ABCB9: variants seen among roughly 807,000 people sequenced by gnomAD.
The protein encoded by ABCB9 is ABC-type oligopeptide transporter ABCB9.
A neutral mutation model predicts 62.0 loss-of-function variants in ABCB9; 36 were observed. That is an observed-to-expected ratio of 0.58 (90% confidence interval 0.45 to 0.77). ABCB9 has a LOEUF of 0.77. ABCB9 is among the 30% of genes least tolerant of loss of function. ABCB9 has a pLI of 0.00. For synonymous variants in ABCB9, 435 were observed against 461.4 expected, an observed-to-expected ratio of 0.94 and a Z score of 0.73; for missense variants, 943 against 1,054.7, an observed-to-expected ratio of 0.89 and a Z score of 1.47.
rs2037053672 is a variant in ABCB9 at position 122,964,186 on chromosome 12, G to C, written c.-88+2101C>G. 6.6e-6 allele frequency among the ~76,000 whole-genome samples: 1 copy of C among 152,172 alleles called. No individual in the cohort carries two copies. Among genetic ancestry groups the C allele is most frequent in the African/African-American group, 2.4e-5 (1 of 41,444 alleles). Reference sequence around the variant, plus strand: ...AGTGGAACAGGAGGCAGATCCGCAAGAGACTCAAAACCTGGACAGCAGCCC... The same window carrying C: ...AGTGGAACAGGAGGCAGATCCGCAACAGACTCAAAACCTGGACAGCAGCCC... On this transcript the variant is annotated intron_variant, in intron 1 of 11. Coordinates refer to ENST00000280560, the MANE Select transcript of ABCB9 (RefSeq NM_019625.4). The surrounding 1 kb of genome is among the most constrained non-coding windows in gnomAD (Gnocchi z 4.7).
intron 2 of ABCB9, among the ~76,000 whole-genome samples, chr12:122,957,699 G>A (rs2036671427): frequency 8.0e-6 from 1 of 125,200 alleles, no homozygotes; most frequent in Non-Finnish European, 1.7e-5. Flanking sequence ...ACTGCTGAGA[G>A]TTTTTTTTTT....
At position 122,960,255 on chromosome 12, in the gene ABCB9, C is replaced by T. The variant is rs751671594; in HGVS notation, c.-20G>A. On this transcript the variant is annotated 5_prime_UTR_variant, in exon 2 of 12. Transcript: ENST00000280560. Reference sequence around the variant, plus strand: ...CCGCATCCTGCTGGTTGGAGGTGGGCGGGTGCTGAAGGCCAGGTTGTAGCT... The same window carrying T: ...CCGCATCCTGCTGGTTGGAGGTGGGTGGGTGCTGAAGGCCAGGTTGTAGCT... The T allele has an allele frequency of 6.9e-6, 11 of 1,602,684 alleles. No individual in the cohort carries two copies. The East Asian group carries it at 1.6e-4, about 23-fold the overall frequency.
chr12:122,938,193 CCA>C (rs1363820683), intron 9 of ABCB9, among the ~76,000 whole-genome samples: 4 of 152,100 alleles, frequency 2.6e-5, no homozygotes, highest in African/African-American at 9.7e-5. Context: ...TGTCCACATC[CCA>C]CACTGGTATT....
intron 9 of ABCB9, among the ~76,000 whole-genome samples, chr12:122,937,926 A>AT (rs1453056496): frequency 6.6e-6 from 1 of 152,222 alleles, no homozygotes; most frequent in African/African-American, 2.4e-5. Flanking sequence ...TCCTGAAAGG[A>AT]TTACTAAAAA....
chr12:122,940,683 T>G lies in ABCB9; in HGVS notation c.1569+124A>C. ...TTCCCCAACTGGAGCCCAAAACTCC[T>G]GGAGGGCAATGATCTTGCCTGACAT... On this transcript the variant is annotated intron_variant, in intron 8 of 11. Transcript: ENST00000280560. The surrounding 1 kb of genome is among the most constrained non-coding windows in gnomAD (Gnocchi z 4.8). The G allele has an allele frequency of 3.2e-6, 4 of 1,242,642 alleles. No homozygotes were observed. In the South Asian group the frequency reaches 6.5e-5, roughly 20 times the overall value. The allele number at this position is 1,242,642 out of a possible 1,614,324, so 77.0% of individuals were successfully genotyped here.
chr12:122,926,181 T>G (rs796880242), downstream of ABCB9, among the ~76,000 whole-genome samples: 17 of 152,302 alleles, frequency 1.1e-4, no homozygotes, highest in African/African-American at 4.1e-4. Flanking sequence ...TTACACAACA[T>G]CATAAGTGTA....
chr12:122,954,637 C>T (rs553629926), intron 2 of ABCB9, among the ~76,000 whole-genome samples: 41 of 152,230 alleles, frequency 2.7e-4, no homozygotes, highest in African/African-American at 9.6e-4. Context: ...GGATTACAGG[C>T]GTGTGCCACC....
Position 122,940,079 on chromosome 12 carries a change from C to T in ABCB9, c.1743+32G>A, listed in dbSNP as rs767248694. Reference sequence around the variant, plus strand: ...GAAAGACGGTTAGATGCAGAAAGGGCGGAGAAGTGTGGCCCAGGCCCGTGC... The same window carrying T: ...GAAAGACGGTTAGATGCAGAAAGGGTGGAGAAGTGTGGCCCAGGCCCGTGC... On this transcript the variant is annotated intron_variant, in intron 9 of 11. Coordinates refer to ENST00000280560, the MANE Select transcript of ABCB9 (RefSeq NM_019625.4). This position sits in a 1 kb window ranked among gnomAD's most constrained non-coding sequence, Gnocchi z 4.8. The T allele has an allele frequency of 4.3e-5, 69 of 1,589,754 alleles. No homozygotes were observed. Among genetic ancestry groups the T allele is most frequent in the Middle Eastern group, 3.3e-4 (2 of 6,006 alleles).
At chr12:122,926,538 TC>T (rs1219487550), downstream of ABCB9, among the ~76,000 whole-genome samples, 1 of 151,364 alleles carries the variant, frequency 6.6e-6, no homozygotes, top group African/African-American at 2.4e-5. Flanking sequence ...CAGAGAGAGA[TC>T]CTGTCTCAAA....
chr12:122,965,195 G>GCAGGATGGAGACCCGCATCCAGGGTCTC (rs2037108095), intron 1 of ABCB9, among the ~76,000 whole-genome samples: 1 of 152,128 alleles, frequency 6.6e-6, no homozygotes. Context: ...AAGGACGAAG[G>GCAGGATGGAGACCCGCATCCAGGGTCTC]CAGGATGGAG....
At chr12:122,946,752 G>A (rs2036063957) in intron 5 of ABCB9, among the ~76,000 whole-genome samples, 1 of 152,262 alleles carries the variant, frequency 6.6e-6, no homozygotes, top group Admixed American at 6.5e-5. Context: ...GCCATGGGTT[G>A]TGAAATCTGC....
chr12:122,971,180 C>A (rs1321675865), upstream of ABCB9, among the ~76,000 whole-genome samples: 1 of 151,842 alleles, frequency 6.6e-6, no homozygotes, highest in Non-Finnish European at 1.5e-5. Context: ...GTCAGGAGTT[C>A]GAGACCAGCC....
chr12:122,956,919 A>G (rs1183397558), intron 2 of ABCB9, among the ~76,000 whole-genome samples: 1 of 152,184 alleles, frequency 6.6e-6, no homozygotes, highest in Non-Finnish European at 1.5e-5. Context: ...CGGCCTCCCA[A>G]AGTGTTGGGA....
intron 2 of ABCB9, among the ~76,000 whole-genome samples, chr12:122,955,580 C>G (rs578049291): frequency 1.2e-4 from 18 of 152,314 alleles, no homozygotes; most frequent in Non-Finnish European, 2.1e-4. Flanking sequence ...CAGGGTCTTG[C>G]TATGTTGGCC....
At chr12:122,961,997 C>T (rs2036931388) in intron 1 of ABCB9, among the ~76,000 whole-genome samples, 1 of 152,238 alleles carries the variant, frequency 6.6e-6, no homozygotes, top group African/African-American at 2.4e-5. Flanking sequence ...AACTTGACAG[C>T]TGTGGGGGTG....
chr12:122,973,884 A>C (rs778543050), intron 1 of ABCB9, among the ~76,000 whole-genome samples: 125 of 152,094 alleles, frequency 8.2e-4, no homozygotes, highest in Non-Finnish European at 9.7e-4. Flanking sequence ...AAACAAACAA[A>C]AAACAAAAAA....
chr12:122,934,513 A>ACC (rs1048349541), intron 10 of ABCB9, among the ~76,000 whole-genome samples: 1 of 151,250 alleles, frequency 6.6e-6, no homozygotes. Context: ...ACATAGCAAG[A>ACC]CCCCGTCTCT....
In ABCB9 at chr12:122,930,510, C is replaced by T. The variant is rs981083432; in HGVS notation, c.2041-339G>A. Among the ~76,000 whole-genome samples the T allele has an allele frequency of 1.3e-5, 2 of 149,990 alleles. No individual in the cohort carries two copies. The highest frequency in any genetic ancestry group is 6.7e-5 in the Admixed American group (1 of 14,930). ...GCAACCTCTGCCTCGTGGGTTCAAT[C>T]GAGTCTCACGCCTCAGCTTCCCAAG... On this transcript the variant is annotated intron_variant, in intron 11 of 11. Coordinates refer to ENST00000280560, the MANE Select transcript of ABCB9 (RefSeq NM_019625.4). This position sits in a 1 kb window ranked among gnomAD's most constrained non-coding sequence, Gnocchi z 4.9.
chr12:122,948,735 G>A lies in ABCB9; in HGVS notation c.942C>T (p.Val314=), dbSNP rs762166799. Residue 314 remains valine, a synonymous_variant, in exon 5 of 12, where the codon GTC becomes GTT. Transcript: ENST00000280560. ...TGAACATGAAGACCACCACGCCCGT[G>A]ACCTTGACTGTGTTCCGCAGGAAGA... ...INVFLRNTVK[V]TGVVVFMFSL... is the part of the protein sequence containing the mutation. The A allele has an allele frequency of 6.2e-7, 1 of 1,613,858 alleles. No individual in the cohort carries two copies. Among genetic ancestry groups the A allele is most frequent in the South Asian group, 1.1e-5 (1 of 91,070 alleles).
Sources: gnomAD v4.1 joint callset for allele counts (sites outside exome capture counted in the v4.1 genomes callset) on GRCh38, gnomAD v4.1.1 for gene constraint, Gnocchi (gnomAD v3.1) non-coding constraint, MANE v1.5 for transcripts, NCBI Gene and HGNC (gene_info 2026-07-23, HGNC 2026-07-21) for gene names.